The following GUCD1 variants were observed in gnomAD, a reference collection of about 807,000 sequenced individuals.
The protein encoded by GUCD1 is protein GUCD1.
Under a neutral mutation model 28.3 loss-of-function variants are expected in GUCD1, and 17 were observed. The ratio of observed to expected loss-of-function variants is 0.60; its 90% CI spans 0.41 to 0.90. GUCD1 has a LOEUF of 0.90. GUCD1 is among the 40% of genes least tolerant of loss of function. GUCD1 has a pLI of 0.00. For synonymous variants in GUCD1, 129 were observed against 123.3 expected, an observed-to-expected ratio of 1.05 and a Z score of -0.30; for missense variants, 279 against 305.5, an observed-to-expected ratio of 0.91 and a Z score of 0.65.
intron 1 of GUCD1, among the ~76,000 whole-genome samples, chr22:24,553,160 T>A (rs1363216993): frequency 6.6e-6 from 1 of 152,228 alleles, no homozygotes; most frequent in East Asian, 1.9e-4. Context: ...ACTGCCTTTT[T>A]GTTTTTCTCT....
chr22:24,548,808 C>A, intron 2 of GUCD1, 109 bp downstream of exon 2: 1 of 810,438 alleles, frequency 1.2e-6, no homozygotes, highest in South Asian at 1.7e-5. Context: ...CCTGCAAGCC[C>A]CAACCAAAGA....
At chr22:24,554,908 C>A in intron 1 of GUCD1, 41 bp downstream of exon 1, 1 of 1,500,412 alleles carries the variant, frequency 6.7e-7, no homozygotes, top group Non-Finnish European at 9.2e-7. Context: ...GGGTCCCTTT[C>A]GTTCCTAGGG....
chr22:24,555,702 A>C (rs1281397026), upstream of GUCD1: 4 of 1,550,552 alleles, frequency 2.6e-6, no homozygotes, highest in Non-Finnish European at 2.6e-6. Flanking sequence ...CTGAGGGCCC[A>C]AGCCCCGCGT....
At position 24,542,775 on chromosome 22, in the gene GUCD1, T is replaced by G. The variant is rs1601531484; in HGVS notation, c.*231A>C. ...GGAGTCAAGGCTTGGGGTCTTGGGG[T>G]ATGCTTCCAGCAGCCAGCAGGTGCT... On this transcript the variant is annotated 3_prime_UTR_variant, in exon 6 of 6. Transcript: ENST00000435822. 2.0e-6 allele frequency: 1 copy of G among 490,674 alleles called. No homozygotes were observed. Among genetic ancestry groups the G allele is most frequent in the South Asian group, 2.1e-5 (1 of 46,678 alleles). 30.4% of individuals were successfully genotyped at this position (490,674 alleles called of 1,614,324 possible). A position where few individuals can be genotyped will look rare whatever the true frequency, so the allele number is the denominator to read the frequency against.
intron 1 of GUCD1, among the ~76,000 whole-genome samples, chr22:24,552,292 A>G (rs1417720014): frequency 6.6e-6 from 1 of 152,226 alleles, no homozygotes; most frequent in Non-Finnish European, 1.5e-5. Flanking sequence ...TGAGACCTCC[A>G]TCTCCAAAAA....
intron 5 of GUCD1, 79 bp from the exon 6 acceptor site, chr22:24,543,176 A>C (rs2044637031): frequency 9.9e-7 from 1 of 1,011,442 alleles, no homozygotes; most frequent in Non-Finnish European, 1.6e-6. Flanking sequence ...TGCCCAGGGG[A>C]GCTGAGTGAG....
intron 1 of GUCD1, among the ~76,000 whole-genome samples, chr22:24,551,009 G>A (rs774843486): frequency 2.7e-4 from 41 of 152,192 alleles, no homozygotes; most frequent in Non-Finnish European, 4.4e-4. Context: ...CAGGGCCCAT[G>A]GAAGGCACAA....
chr22:24,551,212 C>A (rs2044862794), intron 1 of GUCD1, among the ~76,000 whole-genome samples: 1 of 152,170 alleles, frequency 6.6e-6, no homozygotes, highest in Non-Finnish European at 1.5e-5. Flanking sequence ...GTATGCTAAG[C>A]CCAGGCTGGA....
chr22:24,554,826 C>G, intron 1 of GUCD1, 123 bp downstream of exon 1: 1 of 718,966 alleles, frequency 1.4e-6, no homozygotes, highest in East Asian at 3.0e-5. Flanking sequence ...CTGACTGGAA[C>G]CAGGCGGGTG....
chr22:24,552,861 G>A (rs1286968399), intron 1 of GUCD1, among the ~76,000 whole-genome samples: 1 of 152,070 alleles, frequency 6.6e-6, no homozygotes, highest in Non-Finnish European at 1.5e-5. Flanking sequence ...GTGCAGTGGT[G>A]TGACCAGAGC....
chr22:24,544,164 T>A, intron 4 of GUCD1, 81 bp from the exon 5 acceptor site: 1 of 1,543,850 alleles, frequency 6.5e-7, no homozygotes, highest in Non-Finnish European at 8.8e-7. Flanking sequence ...TGTGCCTGTT[T>A]CTCTGTTACA....
chr22:24,555,493 C>T (rs1569021400), upstream of GUCD1: 2 of 1,256,152 alleles, frequency 1.6e-6, no homozygotes, highest in East Asian at 2.5e-5. Flanking sequence ...CAGTGCATCC[C>T]CGAGGCCCCA....
Position 24,543,929 on chromosome 22 carries a change from G to A in GUCD1, c.541C>T (p.Pro181Ser). 1.2e-6 allele frequency: 2 copies of A among 1,614,098 alleles called. No individual in the cohort carries two copies. Among genetic ancestry groups the A allele is most frequent in the Non-Finnish European group, 1.7e-6 (2 of 1,179,976 alleles). ...ACGATGAAGTGGCCCTGGTAGTCAG[G>A]AGTGCGGCAGAAGCAGTGGTGGCCA... ...PSGHHCFCRTPDYQGHFIVLR... is the reference protein window; with the variant it reads ...PSGHHCFCRTSDYQGHFIVLR... Residue 181 changes from proline to serine, a missense_variant, in exon 5 of 6, where the codon CCT (proline) becomes TCT (serine). Pro to Ser is a moderately conservative substitution (Grantham distance 74, BLOSUM62 -1). Coordinates refer to ENST00000435822, the MANE Select transcript of GUCD1 (RefSeq NM_001284254.2).
In GUCD1 at chr22:24,541,345, T is replaced by G. The variant is rs953090965; in HGVS notation, c.*1661A>C. 1.1e-4 allele frequency: 17 copies of G among 152,288 alleles called. No individual in the cohort carries two copies. Among genetic ancestry groups the G allele is most frequent in the African/African-American group, 9.7e-5 (4 of 41,446 alleles). 9.4% of individuals were successfully genotyped at this position (152,288 alleles called of 1,614,324 possible). A position where few individuals can be genotyped will look rare whatever the true frequency, so the allele number is the denominator to read the frequency against. On this transcript the variant is annotated 3_prime_UTR_variant, in exon 6 of 6. Coordinates refer to ENST00000435822, the MANE Select transcript of GUCD1 (RefSeq NM_001284254.2). ...GCAGGACCCAGGAGTGCAGGGATGG[T>G]ATCACTGTTGCCCCTTTGAAAATGA...
At chr22:24,543,275 T>C (rs2044639331) in intron 5 of GUCD1, among the ~76,000 whole-genome samples, 178 bp from the exon 6 acceptor site, 1 of 152,050 alleles carries the variant, frequency 6.6e-6, no homozygotes, top group Non-Finnish European at 1.5e-5. Flanking sequence ...CTTCATGAGG[T>C]TTCTCTGACT....
intron 2 of GUCD1, 50 bp from the exon 3 acceptor site, chr22:24,548,123 G>C: frequency 6.5e-7 from 1 of 1,537,532 alleles, no homozygotes; most frequent in East Asian, 2.3e-5. Context: ...GGGTCAACTG[G>C]TCTGAGTCAC....
chr22:24,551,850 T>G (rs2044884080), intron 1 of GUCD1, among the ~76,000 whole-genome samples: 1 of 152,190 alleles, frequency 6.6e-6, no homozygotes, highest in South Asian at 2.1e-4. Flanking sequence ...TAATCTCCAT[T>G]GTGGTGGTAT....
intron 1 of GUCD1, among the ~76,000 whole-genome samples, chr22:24,550,942 G>A (rs1003422525): frequency 2.0e-5 from 3 of 152,098 alleles, no homozygotes; most frequent in Non-Finnish European, 4.4e-5. Flanking sequence ...TTGCTTATAC[G>A]TTCCCAAGAG....
At chr22:24,554,207 T>C (rs1206690228) in intron 1 of GUCD1, among the ~76,000 whole-genome samples, 2 of 152,196 alleles carry the variant, frequency 1.3e-5, no homozygotes, top group Non-Finnish European at 2.9e-5. Flanking sequence ...ATTCCTCCTC[T>C]GAGGCTCAGG....
Sources: gnomAD v4.1 joint callset for allele counts (sites outside exome capture counted in the v4.1 genomes callset) on GRCh38, gnomAD v4.1.1 for gene constraint, MANE v1.5 for transcripts, NCBI Gene and HGNC (gene_info 2026-07-23, HGNC 2026-07-21) for gene names.